The following SLC9A9 variants were observed in gnomAD, a reference collection of about 807,000 sequenced individuals.
SLC9A9 encodes solute carrier family 9 member A9, also known as sodium/hydrogen exchanger 9.
SLC9A9 carries 62 observed loss-of-function variants against 77.8 expected under a neutral mutation model. The observed-to-expected ratio is 0.80, with a 90% confidence interval of 0.65 to 0.98. The LOEUF is 0.98. SLC9A9 is among the 50% of genes least tolerant of loss of function. The pLI is 0.00. For missense variants in SLC9A9, 775 were observed against 774.9 expected, an observed-to-expected ratio of 1.00 and a Z score of 0.00; for synonymous variants, 320 against 283.5, an observed-to-expected ratio of 1.13 and a Z score of -1.29.
At chr3:143,449,821 T>G (rs1268425868) in intron 12 of SLC9A9, among the ~76,000 whole-genome samples, 1 of 68,986 alleles carries the variant, frequency 1.4e-5, no homozygotes. Flanking sequence ...ATTATATATT[T>G]ACATATATAA....
chr3:143,758,933 C>T (rs990386225), intron 4 of SLC9A9, among the ~76,000 whole-genome samples: 2 of 152,090 alleles, frequency 1.3e-5, no homozygotes, highest in Non-Finnish European at 2.9e-5. Flanking sequence ...TTTAAAATAT[C>T]TGTACCTTTT....
intron 4 of SLC9A9, among the ~76,000 whole-genome samples, chr3:143,754,943 T>C (rs769491901): frequency 6.6e-6 from 1 of 152,152 alleles, no homozygotes; most frequent in Non-Finnish European, 1.5e-5. Flanking sequence ...TAACATAGCA[T>C]TTATTTCTGT....
chr3:143,286,867 C>T (rs1938395622), intron 14 of SLC9A9, among the ~76,000 whole-genome samples: 1 of 152,154 alleles, frequency 6.6e-6, no homozygotes, highest in Non-Finnish European at 1.5e-5. Flanking sequence ...GGTACCAGTG[C>T]AGGTCACCTT....
intron 12 of SLC9A9, among the ~76,000 whole-genome samples, chr3:143,462,003 A>G (rs2035202798): frequency 6.6e-6 from 1 of 152,172 alleles, no homozygotes; most frequent in Non-Finnish European, 1.5e-5. Flanking sequence ...AATGGGTATA[A>G]ATGATAAATA....
At chr3:143,388,314 A>G (rs936383065) in intron 12 of SLC9A9, among the ~76,000 whole-genome samples, 5 of 152,226 alleles carry the variant, frequency 3.3e-5, no homozygotes, top group African/African-American at 4.8e-5. Context: ...TTTGGGAAAT[A>G]AGAAAATGAA....
intron 4 of SLC9A9, among the ~76,000 whole-genome samples, chr3:143,790,816 C>CGGAGA (rs1233954238): frequency 5.3e-5 from 8 of 152,178 alleles, no homozygotes; most frequent in Non-Finnish European, 5.9e-5. Flanking sequence ...AATTAATTCT[C>CGGAGA]CATTCCTGAT....
intron 4 of SLC9A9, among the ~76,000 whole-genome samples, chr3:143,710,554 C>T (rs149945761): frequency 8.0e-4 from 122 of 152,282 alleles, no homozygotes; most frequent in East Asian, 5.4e-3. Context: ...GGAGAAGCCA[C>T]TTAGAAATTA....
intron 4 of SLC9A9, among the ~76,000 whole-genome samples, chr3:143,783,639 A>G (rs2007954039): frequency 6.6e-6 from 1 of 152,240 alleles, no homozygotes; most frequent in South Asian, 2.1e-4. Flanking sequence ...ATGGGGAAAA[A>G]TGAAATGTAA....
intron 4 of SLC9A9, among the ~76,000 whole-genome samples, chr3:143,696,075 A>T (rs1933632235): frequency 6.6e-6 from 1 of 151,834 alleles, no homozygotes; most frequent in South Asian, 2.1e-4. Context: ...GATCGCAAAA[A>T]TTTTCTCCCA....
chr3:143,351,852 G>A (rs2032463365), intron 14 of SLC9A9, among the ~76,000 whole-genome samples: 1 of 152,050 alleles, frequency 6.6e-6, no homozygotes, highest in African/African-American at 2.4e-5. Flanking sequence ...TTTGCAAAGT[G>A]CCTGTACAAT....
chr3:143,787,099 G>A (rs1423303252), intron 4 of SLC9A9, among the ~76,000 whole-genome samples: 1 of 152,128 alleles, frequency 6.6e-6, no homozygotes, highest in Non-Finnish European at 1.5e-5. Flanking sequence ...CTGCCAACCC[G>A]AGTTGTTCTT....
rs1034245698 is a variant in SLC9A9, at chr3:143,266,166, G to A, written c.*536C>T. 56 of 700,616 alleles carry A rather than the reference G, an allele frequency of 8.0e-5. No homozygotes were observed. Among genetic ancestry groups the A allele is most frequent in the East Asian group, 6.2e-4 (23 of 37,266 alleles). The allele number at this position is 700,616 out of a possible 1,614,324, so 43.4% of individuals were successfully genotyped here. The stretch of plus-strand genomic sequence containing the variant: ...CTGGGAAACCATCAGCAGTGGGTAC[G>A]GAACACTTCTCTGGGCTCTGCCCTG... On this transcript the variant is annotated 3_prime_UTR_variant, in exon 16 of 16. Coordinates refer to ENST00000316549, the MANE Select transcript of SLC9A9 (RefSeq NM_173653.4).
intron 6 of SLC9A9, among the ~76,000 whole-genome samples, chr3:143,641,961 A>G (rs1287873795): frequency 1.3e-5 from 2 of 152,142 alleles, no homozygotes; most frequent in Non-Finnish European, 2.9e-5. Context: ...GCCTTATTAG[A>G]TTTATGAATG....
intron 13 of SLC9A9, among the ~76,000 whole-genome samples, chr3:143,381,755 T>C (rs2033308539): frequency 6.6e-6 from 1 of 152,202 alleles, no homozygotes; most frequent in Admixed American, 6.5e-5. Flanking sequence ...GCTAGCAAGT[T>C]GCTGGGTAGG....
At chr3:143,292,034 T>G (rs1016012372) in intron 14 of SLC9A9, among the ~76,000 whole-genome samples, 5 of 152,230 alleles carry the variant, frequency 3.3e-5, no homozygotes, top group African/African-American at 1.2e-4. Flanking sequence ...AGCCATTCTC[T>G]GGGCTTGTCC....
intron 12 of SLC9A9, 133 bp downstream of exon 12, chr3:143,466,904 G>T: frequency 1.8e-6 from 2 of 1,124,428 alleles, no homozygotes; most frequent in Non-Finnish European, 2.6e-6. Context: ...CCTTATGAGT[G>T]AAGGTCAACT....
intron 4 of SLC9A9, among the ~76,000 whole-genome samples, chr3:143,746,706 G>A (rs1053702538): frequency 6.6e-6 from 1 of 151,986 alleles, no homozygotes; most frequent in Non-Finnish European, 1.5e-5. Flanking sequence ...TTCTTTTCAG[G>A]GTGGTGTGGT....
chr3:143,821,762 T>C (rs2009171338), intron 2 of SLC9A9, among the ~76,000 whole-genome samples: 1 of 152,224 alleles, frequency 6.6e-6, no homozygotes, highest in South Asian at 2.1e-4. Flanking sequence ...AGTTGTTGAA[T>C]ATTTAATAAT....
intron 4 of SLC9A9, among the ~76,000 whole-genome samples, chr3:143,741,206 T>C (rs914599702): frequency 4.6e-5 from 7 of 152,118 alleles, no homozygotes; most frequent in African/African-American, 7.2e-5. Context: ...TTCCTAACAC[T>C]GGGTAGGAAA....
Sources: allele counts gnomAD v4.1 joint callset (sites outside exome capture counted in the v4.1 genomes callset), GRCh38; gene constraint gnomAD v4.1.1; transcripts MANE v1.5; gene names NCBI Gene and HGNC (gene_info 2026-07-23, HGNC 2026-07-21).